PNISR: variants seen among roughly 807,000 people sequenced by gnomAD.
The protein encoded by PNISR is PNN interacting serine and arginine rich protein.
PNISR carries 20 observed loss-of-function variants against 93.4 expected under a neutral mutation model. The observed-to-expected ratio is 0.21, with a 90% confidence interval of 0.15 to 0.31. The LOEUF (loss-of-function observed/expected upper bound fraction) is 0.31. Ranked by LOEUF, PNISR falls within the 10% of genes least tolerant of loss-of-function variation. The pLI is 1.00. For synonymous variants in PNISR, 305 were observed against 306.5 expected, an observed-to-expected ratio of 0.99 and a Z score of 0.05; for missense variants, 893 against 985.4, an observed-to-expected ratio of 0.91 and a Z score of 1.25.
chr6:99,411,608 C>G (rs576964527), intron 4 of PNISR: 1 of 125,466 alleles, frequency 8.0e-6, no homozygotes, highest in East Asian at 2.0e-4. Context: ...AATCTGAATT[C>G]TCGTTTTTTT....
chr6:99,401,518 A>C lies in PNISR; in HGVS notation c.1440T>G (p.Asn480Lys), dbSNP rs765513544. 5.6e-6 allele frequency: 9 copies of C among 1,612,958 alleles called. No individual in the cohort carries two copies. The South Asian group carries it at 9.9e-5, about 18-fold the overall frequency. Residue 480 changes from asparagine (N) to lysine (K), a missense_variant, in exon 12 of 12, where the codon AAT becomes AAG. Asn to Lys is a moderately conservative substitution (Grantham distance 94). Around this residue, in one of 3 missense-constraint regions of PNISR, gnomAD observed 866 missense variants for 935.1 expected, o/e 0.93. Coordinates refer to ENST00000369239, the MANE Select transcript of PNISR (RefSeq NM_032870.4). ...TTTCATTTGGAGTTCTCTTCTTTTC[A>C]TTAACCACATCACCGTCTGCTTCTC... ...EAREADGDVVNEKKRTPNETT... is the reference protein window; with the variant it reads ...EAREADGDVVKEKKRTPNETT...
intron 1 of PNISR, among the ~76,000 whole-genome samples, chr6:99,424,433 C>T (rs1779150251): frequency 6.6e-6 from 1 of 151,586 alleles, no homozygotes; most frequent in African/African-American, 2.4e-5. Flanking sequence ...CTCTCAAGAA[C>T]ATCTTTAAAG....
At chr6:99,411,637 G>A (rs1409433776) in intron 4 of PNISR, 2 of 144,678 alleles carry the variant, frequency 1.4e-5, no homozygotes, top group African/African-American at 5.2e-5. Context: ...TGTTTTAAAT[G>A]AGGGACTCAT....
At chr6:99,422,896 A>C (rs1778781435) in intron 1 of PNISR, among the ~76,000 whole-genome samples, 2 of 129,930 alleles carry the variant, frequency 1.5e-5, no homozygotes, top group Non-Finnish European at 3.4e-5. Flanking sequence ...AAAAAAAAAA[A>C]AAACTGGAGA....
At chr6:99,409,421 G>A in intron 5 of PNISR, 77 bp from the exon 6 acceptor site, 1 of 1,311,972 alleles carries the variant, frequency 7.6e-7, no homozygotes, top group East Asian at 2.3e-5. Flanking sequence ...GTTATGAACT[G>A]GGACAGTAGA....
rs1775232618 is a variant in PNISR at position 99,399,650 on chromosome 6, G to A, written c.*890C>T. Reference sequence around the variant, plus strand: ...TCCAGCAATTTCATTTTACAGGAGTGAACCACACGTTATACACACAGAGAA... The same window carrying A: ...TCCAGCAATTTCATTTTACAGGAGTAAACCACACGTTATACACACAGAGAA... On this transcript the variant is annotated 3_prime_UTR_variant, in exon 12 of 12. Coordinates refer to ENST00000369239, the MANE Select transcript of PNISR (RefSeq NM_032870.4). 1 of 152,050 alleles carries A rather than the reference G, an allele frequency of 6.6e-6. No individual in the cohort carries two copies. Among genetic ancestry groups the A allele is most frequent in the African/African-American group, 2.4e-5 (1 of 41,402 alleles). 9.4% of individuals were successfully genotyped at this position (152,050 alleles called of 1,614,324 possible).
At chr6:99,402,030 A>G (rs1436845129) in intron 11 of PNISR, among the ~76,000 whole-genome samples, 1 of 152,192 alleles carries the variant, frequency 6.6e-6, no homozygotes, top group African/African-American at 2.4e-5. Context: ...GGTGGGTGTG[A>G]GGCAAGTAGG....
At chr6:99,403,707 C>T (rs985311184) in intron 10 of PNISR, 122 bp downstream of exon 10, 2 of 629,894 alleles carry the variant, frequency 3.2e-6, no homozygotes, top group African/African-American at 3.7e-5. Flanking sequence ...TGACATAACC[C>T]TAAGACCTAG....
At chr6:99,402,792 C>A in intron 10 of PNISR, 82 bp from the exon 11 acceptor site, 1 of 1,054,512 alleles carries the variant, frequency 9.5e-7, no homozygotes, top group South Asian at 2.2e-5. Context: ...GAAGAAAGTT[C>A]ATTTCTTTTT....
At chr6:99,411,834 T>TACA (rs967572306) in intron 4 of PNISR, 3 of 153,772 alleles carry the variant, frequency 2.0e-5, no homozygotes, top group Non-Finnish European at 4.3e-5. Context: ...CTTGCTATGT[T>TACA]GCCCAGGCTG....
chr6:99,406,219 T>C (rs768531661), intron 7 of PNISR, 51 bp from the exon 8 acceptor site: 2 of 1,255,204 alleles, frequency 1.6e-6, no homozygotes, highest in Admixed American at 4.7e-5. Flanking sequence ...TAATGTAAAA[T>C]CCTTATCTTA....
rs1159355107 is a variant in PNISR, at chr6:99,409,428, T to C, written c.502-84A>G. On this transcript the variant is annotated intron_variant, in intron 5 of 11. Coordinates refer to ENST00000369239, the MANE Select transcript of PNISR (RefSeq NM_032870.4). ...ACACGTGTGTTATGAACTGGGACAG[T>C]AGAAATCCATGTGTGCAGCACATCC... 1.2e-5 allele frequency: 14 copies of C among 1,208,936 alleles called. 1 individual carries two copies. The highest frequency in any genetic ancestry group is 4.8e-5 in the East Asian group (2 of 41,776). 74.9% of individuals were successfully genotyped at this position (1,208,936 alleles called of 1,614,324 possible). A position where few individuals can be genotyped will look rare whatever the true frequency, so the allele number is the denominator to read the frequency against.
intron 5 of PNISR, chr6:99,410,230 C>G (rs1440155752): frequency 6.4e-6 from 1 of 155,356 alleles, no homozygotes; most frequent in Non-Finnish European, 1.4e-5. Flanking sequence ...TTCTATGTCC[C>G]TAGGAATGAA....
At chr6:99,414,206 T>C (rs2128489743) in intron 3 of PNISR, among the ~76,000 whole-genome samples, 1 of 152,330 alleles carries the variant, frequency 6.6e-6, no homozygotes, top group South Asian at 2.1e-4. Flanking sequence ...AAAAAGAAAT[T>C]TTAAAATGAT....
At chr6:99,413,598 C>A (rs1302448312) in intron 3 of PNISR, among the ~76,000 whole-genome samples, 1 of 152,038 alleles carries the variant, frequency 6.6e-6, no homozygotes, top group Non-Finnish European at 1.5e-5. Context: ...AGTGCTAGAA[C>A]TACAGGCATG....
intron 4 of PNISR, among the ~76,000 whole-genome samples, chr6:99,411,375 TG>T (rs1313127893): frequency 6.6e-6 from 1 of 152,174 alleles, no homozygotes; most frequent in East Asian, 1.9e-4. Context: ...GTATTATTTT[TG>T]CCAATTTCGG....
rs755550182 is a variant in PNISR, at chr6:99,402,498, T to A, written c.1327+42A>T. 5 of 1,391,350 alleles carry A rather than the reference T, an allele frequency of 3.6e-6. No individual in the cohort carries two copies. The South Asian group carries it at 4.6e-5, about 13-fold the overall frequency. 86.2% of individuals were successfully genotyped at this position (1,391,350 alleles called of 1,614,324 possible). ...AGGTTAGTTAAAAAATAAAAAGAAA[T>A]ACAAAACTGGACCAAAATTAAGTCT... On this transcript the variant is annotated intron_variant, in intron 11 of 11. Coordinates refer to ENST00000369239, the MANE Select transcript of PNISR (RefSeq NM_032870.4).
chr6:99,406,190 T>C, intron 7 of PNISR, 22 bp from the exon 8 acceptor site: 2 of 1,542,590 alleles, frequency 1.3e-6, no homozygotes, highest in South Asian at 2.3e-5. Context: ...AATAGTATGG[T>C]AGTCCAAATT....
Position 99,425,227 on chromosome 6 carries a change from G to A in PNISR, c.-124C>T. The A allele has an allele frequency of 8.1e-7, 1 of 1,232,010 alleles. No homozygotes were observed. Among genetic ancestry groups the A allele is most frequent in the East Asian group, 3.2e-5 (1 of 31,706 alleles). The allele number at this position is 1,232,010 out of a possible 1,614,324, so 76.3% of individuals were successfully genotyped here. On this transcript the variant is annotated 5_prime_UTR_variant, in exon 1 of 12. Transcript: ENST00000369239. ...CTCCATCACTTACCCACTCTAGTTC[G>A]GGAACACCCTTGTCGCCGCCGTTCC...
Sources: allele counts gnomAD v4.1 joint callset (sites outside exome capture counted in the v4.1 genomes callset), GRCh38; gene constraint gnomAD v4.1.1; regional missense constraint gnomAD v4.1.1; transcripts MANE v1.5; gene names NCBI Gene and HGNC (gene_info 2026-07-23, HGNC 2026-07-21).